Variants in MUC12 observed in about 807,000 individuals in gnomAD.
MUC12 encodes the protein mucin-12.
Under a neutral mutation model 230.8 loss-of-function variants are expected in MUC12, and 172 were observed. The observed-to-expected ratio is 0.75, with a 90% CI of 0.66 to 0.85. The LOEUF (loss-of-function observed/expected upper bound fraction) is 0.85, where lower values mean the gene tolerates loss of function less well. Among genes scored for constraint, MUC12 ranks in the 40% least tolerant of loss-of-function variants. The pLI, the probability that MUC12 is intolerant of heterozygous loss-of-function variation, is 0.00. For missense variants in MUC12, 3,506 were observed against 5,920.6 expected (o/e 0.59, Z 13.38); for synonymous variants, 1,259 against 2,401.9 (o/e 0.52, Z 13.91).
rs541467926 is a variant in MUC12, at chr7:101,017,571, A to G, written c.15878-4A>G. On this transcript the variant is annotated splice_region_variant and splice_polypyrimidine_tract_variant and intron_variant, in intron 10 of 11. Coordinates refer to ENST00000536621, the MANE Select transcript of MUC12 (RefSeq NM_001164462.2). ...CCATCACTCATCACGGCCTCTCCCTACAGACCAGAATCTGAGGGAGAGCAG... is the reference window on the plus strand; with the variant it reads ...CCATCACTCATCACGGCCTCTCCCTGCAGACCAGAATCTGAGGGAGAGCAG... The G allele has an allele frequency of 1.1e-4, 170 of 1,531,228 alleles. 2 individuals carry two copies. In the South Asian group the frequency reaches 1.4e-3, roughly 13 times the overall value. 94.9% of individuals were successfully genotyped at this position (1,531,228 alleles called of 1,614,324 possible). A position where few individuals can be genotyped will look rare whatever the true frequency, so the allele number is the denominator to read the frequency against.
chr7:101,015,777 G>A, intron 10 of MUC12, 86 bp downstream of exon 10: 2 of 1,234,342 alleles, frequency 1.6e-6, no homozygotes, highest in Non-Finnish European at 2.3e-6. Context: ...GGGTGACGTG[G>A]GGTCCAGCCC....
chr7:101,017,780 T>TTCTCC, intron 11 of MUC12, 117 bp downstream of exon 11: 1 of 558,304 alleles, frequency 1.8e-6, no homozygotes, highest in South Asian at 2.2e-5. Context: ...TGGGACTCCC[T>TTCTCC]CCCTTCCCCC....
rs1793801477 is a variant in MUC12 at position 101,009,027 on chromosome 7, C to T, written c.15187-68C>T. ...CACAGAAAGGTGCCTAGGGCTGCCTCAAGAAGGGTAACAGGAGAGTCTTCA... is the reference window on the plus strand; with the variant it reads ...CACAGAAAGGTGCCTAGGGCTGCCTTAAGAAGGGTAACAGGAGAGTCTTCA... On this transcript the variant is annotated intron_variant, in intron 4 of 11. Transcript: ENST00000536621. 4.0e-6 allele frequency: 6 copies of T among 1,508,922 alleles called. No individual in the cohort carries two copies. The East Asian group carries it at 1.2e-4, about 31-fold the overall frequency. 93.5% of individuals were successfully genotyped at this position (1,508,922 alleles called of 1,614,324 possible).
rs767685166 is a variant in MUC12 at position 101,004,341 on chromosome 7, C to T, written c.13778C>T (p.Ser4593Phe). Residue 4593 changes from serine to phenylalanine, a missense_variant, in exon 2 of 12, where the codon TCC (serine) becomes TTC (phenylalanine). Coordinates refer to ENST00000536621, the MANE Select transcript of MUC12 (RefSeq NM_001164462.2). The part of the protein sequence containing the change: ...ATATTPSPAR[S>F]TTSGLVEEST... ...GCAACAACACCCTCGCCTGCCCGCT[C>T]CACAACCTCAGGCCTCGTTGAAGAA... The T allele has an allele frequency of 1.4e-5, 19 of 1,344,120 alleles. No homozygotes were observed. In the East Asian group the frequency reaches 1.9e-4, roughly 13 times the overall value. The allele number at this position is 1,344,120 out of a possible 1,614,324, so 83.3% of individuals were successfully genotyped here. A position where few individuals can be genotyped will look rare whatever the true frequency, so the allele number is the denominator to read the frequency against.
rs538185120 is a variant in MUC12 at position 100,973,526 on chromosome 7, CTG to C, written c.67+3840_67+3841del. ...GTCTTGAACTTTGCAGCCTCCAGAA[CTG>C]TGAGAAATAAATCTATTTTTTTAAA... On this transcript the variant is annotated intron_variant, in intron 1 of 11. Coordinates refer to ENST00000536621, the MANE Select transcript of MUC12 (RefSeq NM_001164462.2). 2.0e-4 allele frequency among the ~76,000 whole-genome samples: 30 copies of C among 152,344 alleles called. No homozygotes were observed. The South Asian group carries it at 6.0e-3, about 31-fold the overall frequency.
chr7:100,983,417 TAA>T (rs571349708), intron 1 of MUC12, among the ~76,000 whole-genome samples: 90 of 137,222 alleles, frequency 6.6e-4, no homozygotes, highest in Non-Finnish European at 5.7e-4. Flanking sequence ...GAGACTCCGT[TAA>T]AAAAAAAAAA....
chr7:101,006,666 T>G lies in MUC12; in HGVS notation c.15058+94T>G. On this transcript the variant is annotated intron_variant, in intron 3 of 11. Coordinates refer to ENST00000536621, the MANE Select transcript of MUC12 (RefSeq NM_001164462.2). ...TTGGAAGGATCAGCCACTGCCTCAC[T>G]TGCAGGTGGAGGAGGTGTGACTCTT... The G allele has an allele frequency of 7.1e-6, 6 of 841,126 alleles. No individual in the cohort carries two copies. The South Asian group carries it at 7.3e-5, about 10-fold the overall frequency. 52.1% of individuals were successfully genotyped at this position (841,126 alleles called of 1,614,324 possible). A position where few individuals can be genotyped will look rare whatever the true frequency, so the allele number is the denominator to read the frequency against.
intron 4 of MUC12, 91 bp downstream of exon 4, chr7:101,008,852 T>G: frequency 6.9e-7 from 1 of 1,442,670 alleles, no homozygotes; most frequent in Admixed American, 2.4e-5. Context: ...TCTGAGTTCT[T>G]CTGCTCATGA....
chr7:100,973,509 C>T (rs1315452496), intron 1 of MUC12, among the ~76,000 whole-genome samples: 1 of 152,044 alleles, frequency 6.6e-6, no homozygotes, highest in Non-Finnish European at 1.5e-5. Flanking sequence ...TGGTCTTGAA[C>T]TTTGCAGCCT....
intron 2 of MUC12, among the ~76,000 whole-genome samples, chr7:101,005,741 C>T (rs955968212): frequency 6.6e-6 from 1 of 152,114 alleles, no homozygotes; most frequent in Non-Finnish European, 1.5e-5. Flanking sequence ...CTCTATGACT[C>T]CAGGGTGGTT....
chr7:100,978,492 G>A (rs770475165), intron 1 of MUC12, among the ~76,000 whole-genome samples: 15 of 152,186 alleles, frequency 9.9e-5, no homozygotes, highest in Non-Finnish European at 1.6e-4. Flanking sequence ...AGAAATGGAA[G>A]TTCAGAGAGG....
intron 5 of MUC12, among the ~76,000 whole-genome samples, chr7:101,011,238 A>T (rs1260350146): frequency 6.6e-6 from 1 of 152,114 alleles, no homozygotes; most frequent in African/African-American, 2.4e-5. Context: ...CCCCTGGCTC[A>T]GCGTCGGCAC....
rs751119271 is a variant in MUC12, at chr7:100,992,324, T to A, written c.1761T>A (p.Thr587=). 4.6e-6 allele frequency: 7 copies of A among 1,536,686 alleles called. No individual in the cohort carries two copies. Among genetic ancestry groups the A allele is most frequent in the African/African-American group, 1.4e-5 (1 of 73,112 alleles). Residue 587 remains threonine, a synonymous_variant, in exon 2 of 12, where the codon ACT becomes ACA. Coordinates refer to ENST00000536621, the MANE Select transcript of MUC12 (RefSeq NM_001164462.2). ...YTTFHSRPGS[T]ETTLLPDNTT... Reference sequence around the variant, plus strand: ...CCTTCCACAGCCGCCCAGGCTCCACTGAAACAACACTCTTACCTGACAACA... The same window carrying A: ...CCTTCCACAGCCGCCCAGGCTCCACAGAAACAACACTCTTACCTGACAACA...
intron 10 of MUC12, among the ~76,000 whole-genome samples, chr7:101,016,030 A>T (rs973403089): frequency 1.3e-5 from 2 of 152,154 alleles, no homozygotes; most frequent in African/African-American, 4.8e-5. Context: ...AGGGGGTCAG[A>T]TTAGCCCCCA....
chr7:101,014,240 G>A, intron 9 of MUC12, 166 bp downstream of exon 9: 1 of 704,516 alleles, frequency 1.4e-6, no homozygotes, highest in Non-Finnish European at 2.2e-6. Flanking sequence ...TGCAGCAAAG[G>A]GCGGCCTTCC....
At chr7:101,007,086 G>A (rs1048481014) in intron 3 of MUC12, among the ~76,000 whole-genome samples, 2 of 152,136 alleles carry the variant, frequency 1.3e-5, no homozygotes, top group African/African-American at 4.8e-5. Flanking sequence ...AGCCTCCTGA[G>A]TAGTTGAGAT....
chr7:101,012,148 G>A, intron 5 of MUC12, 148 bp from the exon 6 acceptor site: 1 of 744,468 alleles, frequency 1.3e-6, no homozygotes, highest in Non-Finnish European at 2.1e-6. Flanking sequence ...CTGTCTGGGT[G>A]GTTAGCTGCT....
chr7:101,016,832 G>T, intron 10 of MUC12: 1 of 152,728 alleles, frequency 6.5e-6, no homozygotes, highest in Non-Finnish European at 1.5e-5. Context: ...AGAAGCAGCC[G>T]GTGGAGCACA....
At chr7:101,007,354 C>G (rs1336137151) in intron 3 of MUC12, among the ~76,000 whole-genome samples, 1 of 152,206 alleles carries the variant, frequency 6.6e-6, no homozygotes, top group Non-Finnish European at 1.5e-5. Flanking sequence ...TCTAACTATA[C>G]ATTTTTTGTA....
Sources: gnomAD v4.1 joint callset for allele counts (sites outside exome capture counted in the v4.1 genomes callset) on GRCh38, gnomAD v4.1.1 for gene constraint, MANE v1.5 for transcripts, NCBI Gene and HGNC (gene_info 2026-07-23, HGNC 2026-07-21) for gene names.